IPO7: variants seen among roughly 807,000 people sequenced by gnomAD.
IPO7 encodes importin 7.
IPO7 carries 13 observed loss-of-function variants against 136.4 expected under a neutral mutation model. That is an observed-to-expected ratio of 0.10 (90% CI 0.06 to 0.15). The LOEUF (loss-of-function observed/expected upper bound fraction) is 0.15. Ranked by LOEUF, IPO7 falls within the 10% of genes least tolerant of loss-of-function variation. The probability of loss-of-function intolerance (pLI) is 1.00; values close to 1 mark genes in which losing one functional copy is unlikely to be tolerated. For synonymous variants in IPO7, 403 were observed against 404.4 expected (o/e 1.00, Z 0.04); for missense variants, 857 against 1,240.6 (o/e 0.69, Z 4.65).
Position 9,440,726 on chromosome 11 carries a change from C to T in IPO7, c.2902+65C>T, listed in dbSNP as rs1855450581. ...AAATCTGTTGTAGTTTCTGCCTGCC[C>T]TTTAAAGGAAGAGTTTGGAGGATAT... On this transcript the variant is annotated intron_variant, in intron 23 of 24. Transcript: ENST00000379719. 1.0e-5 allele frequency: 13 copies of T among 1,280,346 alleles called. No homozygotes were observed. The Admixed American group carries it at 1.9e-4, about 18-fold the overall frequency. The allele number at this position is 1,280,346 out of a possible 1,614,324, so 79.3% of individuals were successfully genotyped here.
intron 9 of IPO7, 24 bp downstream of exon 9, chr11:9,423,164 T>G: frequency 2.0e-6 from 3 of 1,477,780 alleles, no homozygotes; most frequent in Non-Finnish European, 2.8e-6. Flanking sequence ...TCTGAAATGT[T>G]TTTATAGTAA....
chr11:9,431,049 T>C (rs747132579), intron 16 of IPO7, 46 bp downstream of exon 16: 4 of 1,534,600 alleles, frequency 2.6e-6, no homozygotes, highest in Non-Finnish European at 3.6e-6. Context: ...CATTTTATGC[T>C]TTTTAGAGGG....
At chr11:9,421,761 A>T (rs538261919) in intron 8 of IPO7, among the ~76,000 whole-genome samples, 26 of 150,078 alleles carry the variant, frequency 1.7e-4, no homozygotes, top group South Asian at 4.2e-4. Flanking sequence ...TGGCTAACAC[A>T]GTGAAACCCC....
rs754899149 is a variant in IPO7 at position 9,417,159 on chromosome 11, G to C, written c.726+11G>C. 8.6e-6 allele frequency: 10 copies of C among 1,167,308 alleles called. No individual in the cohort carries two copies. The South Asian group carries it at 1.3e-4, about 16-fold the overall frequency. The allele number at this position is 1,167,308 out of a possible 1,614,324, so 72.3% of individuals were successfully genotyped here. Reference sequence around the variant, plus strand: ...AGGGATGTACCTAATGTAAGTTTCTGTATGTTCTCTTATATTACTAAATGT... The same window carrying C: ...AGGGATGTACCTAATGTAAGTTTCTCTATGTTCTCTTATATTACTAAATGT... On this transcript the variant is annotated intron_variant, in intron 6 of 24. Coordinates refer to ENST00000379719, the MANE Select transcript of IPO7 (RefSeq NM_006391.3).
intron 16 of IPO7, among the ~76,000 whole-genome samples, chr11:9,431,582 A>T (rs1303463007): frequency 1.3e-5 from 2 of 152,100 alleles, no homozygotes. Context: ...AAGTGTTAAG[A>T]ATGTAATAAA....
rs1192266190 is a variant in IPO7, at chr11:9,409,910, T to G, written c.321-18T>G. Reference sequence around the variant, plus strand: ...CCTAGTTAGGATTTTTTCCTTACTGTTTTTTTTTGGCTTCCAGGGTACAGC... The same window carrying G: ...CCTAGTTAGGATTTTTTCCTTACTGGTTTTTTTTGGCTTCCAGGGTACAGC... On this transcript the variant is annotated intron_variant, in intron 3 of 24. Coordinates refer to ENST00000379719, the MANE Select transcript of IPO7 (RefSeq NM_006391.3). 4 of 1,421,722 alleles carry G rather than the reference T, an allele frequency of 2.8e-6. No individual in the cohort carries two copies. Among genetic ancestry groups the G allele is most frequent in the Non-Finnish European group, 3.7e-6 (4 of 1,069,688 alleles). The allele number at this position is 1,421,722 out of a possible 1,614,324, so 88.1% of individuals were successfully genotyped here.
chr11:9,423,640 C>A, intron 9 of IPO7, 137 bp from the exon 10 acceptor site: 1 of 582,170 alleles, frequency 1.7e-6, no homozygotes, highest in African/African-American at 1.9e-5. Flanking sequence ...TCTTAGAACA[C>A]ATTAAATGCA....
At chr11:9,435,879 G>C (rs1855362201) in intron 19 of IPO7, among the ~76,000 whole-genome samples, 1 of 152,056 alleles carries the variant, frequency 6.6e-6, no homozygotes, top group African/African-American at 2.4e-5. Context: ...AAAGAGAAAA[G>C]GGTTTCCTAG....
At chr11:9,395,487 C>T (rs926299002) in intron 1 of IPO7, among the ~76,000 whole-genome samples, 1 of 152,018 alleles carries the variant, frequency 6.6e-6, no homozygotes, top group Non-Finnish European at 1.5e-5. Context: ...GATCTGCCTG[C>T]CTTGGCCTCC....
Position 9,438,062 on chromosome 11 carries a change from T to TGTTG in IPO7, c.2490-18_2490-17insGTTG. 1 of 1,217,586 alleles carries TGTTG rather than the reference T, an allele frequency of 8.2e-7. No individual in the cohort carries two copies. Among genetic ancestry groups the TGTTG allele is most frequent in the Non-Finnish European group, 1.1e-6 (1 of 915,792 alleles). 75.4% of individuals were successfully genotyped at this position (1,217,586 alleles called of 1,614,324 possible). A position where few individuals can be genotyped will look rare whatever the true frequency, so the allele number is the denominator to read the frequency against. On this transcript the variant is annotated splice_polypyrimidine_tract_variant and intron_variant, in intron 21 of 24. Transcript: ENST00000379719. ...AGAAAACAGTTTTTTTTTTTTTTTTTTTTTTTTTTTTTTTTAGGCTTCATG... is the reference window on the plus strand; with the variant it reads ...AGAAAACAGTTTTTTTTTTTTTTTTTGTTGTTTTTTTTTTTTTTTAGGCTTCATG...
At chr11:9,426,973 G>A (rs1243517966) in intron 12 of IPO7, among the ~76,000 whole-genome samples, 1 of 151,800 alleles carries the variant, frequency 6.6e-6, no homozygotes, top group Non-Finnish European at 1.5e-5. Flanking sequence ...CTACCTTCCG[G>A]GTTCAAGTGA....
At chr11:9,431,560 T>C (rs1414511269) in intron 16 of IPO7, among the ~76,000 whole-genome samples, 3 of 152,012 alleles carry the variant, frequency 2.0e-5, no homozygotes, top group Non-Finnish European at 4.4e-5. Flanking sequence ...CTTAACATAA[T>C]GGAAATATTC....
chr11:9,406,068 G>T (rs1262855879), intron 2 of IPO7, among the ~76,000 whole-genome samples: 2 of 118,676 alleles, frequency 1.7e-5, no homozygotes, highest in Non-Finnish European at 1.7e-5. Flanking sequence ...ATTTTATTTT[G>T]TAGAGATGGA....
intron 1 of IPO7, among the ~76,000 whole-genome samples, chr11:9,385,505 A>G (rs1215124627): frequency 6.6e-6 from 1 of 152,148 alleles, no homozygotes; most frequent in Non-Finnish European, 1.5e-5. Context: ...TGGCTTATGT[A>G]GTGGGAAGGA....
chr11:9,406,208 A>T (rs1344993184), intron 2 of IPO7, among the ~76,000 whole-genome samples: 1 of 138,320 alleles, frequency 7.2e-6, no homozygotes, highest in Non-Finnish European at 1.5e-5. Flanking sequence ...GGCGTTAGCC[A>T]CTATGGCTGG....
intron 1 of IPO7, among the ~76,000 whole-genome samples, chr11:9,399,672 C>T (rs1238076730): frequency 6.6e-6 from 1 of 151,964 alleles, no homozygotes; most frequent in African/African-American, 2.4e-5. Flanking sequence ...AGAAAGATGG[C>T]CTATGACCAA....
At chr11:9,397,341 A>AAAAAAAAAATATATATATATATATAT in intron 1 of IPO7, among the ~76,000 whole-genome samples, 2 of 10,760 alleles carry the variant, frequency 1.9e-4, no homozygotes, top group Admixed American at 2.1e-3. Flanking sequence ...TTTAAAAAAA[A>AAAAAAAAAATATATATATATATATAT]ATATATATAT....
chr11:9,442,720 G>T, intron 24 of IPO7, among the ~76,000 whole-genome samples: 1 of 148,892 alleles, frequency 6.7e-6, no homozygotes, highest in Non-Finnish European at 1.5e-5. Context: ...GCCCCAGTTT[G>T]TTTATTTTTA....
chr11:9,422,764 G>A (rs1248309940), intron 8 of IPO7, among the ~76,000 whole-genome samples: 2 of 152,116 alleles, frequency 1.3e-5, no homozygotes, highest in East Asian at 1.9e-4. Flanking sequence ...CCGGGGCAAC[G>A]TAGTGAGACA....
Sources: gnomAD v4.1 joint callset for allele counts (sites outside exome capture counted in the v4.1 genomes callset) on GRCh38, gnomAD v4.1.1 for gene constraint, MANE v1.5 for transcripts, NCBI Gene and HGNC (gene_info 2026-07-23, HGNC 2026-07-21) for gene names.